Variants in CAMK2B observed in about 807,000 individuals in gnomAD.
CAMK2B encodes the protein calcium/calmodulin dependent protein kinase II beta, also known as calcium/calmodulin-dependent protein kinase type II subunit beta.
CAMK2B carries 27 observed loss-of-function variants against 93.7 expected under a neutral mutation model. The observed-to-expected ratio is 0.29, with a 90% CI of 0.21 to 0.40. The LOEUF (loss-of-function observed/expected upper bound fraction) is 0.40. CAMK2B is among the 10% of genes least tolerant of loss of function. The pLI is 1.00. For synonymous variants in CAMK2B, 374 were observed against 358.8 expected, an observed-to-expected ratio of 1.04 and a Z score of -0.48; for missense variants, 568 against 895.8, an observed-to-expected ratio of 0.63 and a Z score of 4.67.
At position 44,241,729 on chromosome 7, in the gene CAMK2B, T is replaced by C; in HGVS notation, c.874A>G (p.Lys292Glu). Reference protein sequence around the residue: ...MHRQETVECLKKFNARRKLKG... With the variant: ...MHRQETVECLEKFNARRKLKG... ...AGCTTTCTCCTGGCATTGAACTTTT[T>C]CAGACACTCCACAGTCTCCTGTCTG... The change falls in exon 11 of 24, where the codon AAA (lysine) becomes GAA (glutamate). Residue 292 changes from lysine (K) to glutamate (E), a missense_variant. Transcript: ENST00000395749. 1 of 1,613,890 alleles carries C rather than the reference T, an allele frequency of 6.2e-7. No homozygotes were observed. The highest frequency in any genetic ancestry group is 8.5e-7 in the Non-Finnish European group (1 of 1,179,856).
intron 16 of CAMK2B, among the ~76,000 whole-genome samples, 192 bp downstream of exon 16, chr7:44,232,630 C>T (rs942772542): frequency 5.3e-5 from 8 of 152,212 alleles, no homozygotes; most frequent in African/African-American, 1.2e-4. Flanking sequence ...TCCAGGGGCG[C>T]GCCTGGGGCC....
At chr7:44,229,361 C>T in intron 18 of CAMK2B, 27 bp downstream of exon 18, 2 of 1,462,178 alleles carry the variant, frequency 1.4e-6, no homozygotes, top group East Asian at 2.6e-5. Context: ...ACATGACCCC[C>T]ACAGCAGCAG....
Position 44,287,190 on chromosome 7 carries a change from C to T in CAMK2B, c.66-2965G>A, listed in dbSNP as rs551850643. Among the ~76,000 whole-genome samples, 3 of 152,276 alleles carry T rather than the reference C, an allele frequency of 2.0e-5. No individual in the cohort carries two copies. In the South Asian group the frequency reaches 6.2e-4, roughly 32 times the overall value. ...CCCCGCTCCTGGGCTCTGCCTCTCC[C>T]ACGCCTTCTGTCCCTCACTGAAGCC... On this transcript the variant is annotated intron_variant, in intron 1 of 23. Transcript: ENST00000395749.
chr7:44,228,387 G>A (rs866890038), intron 19 of CAMK2B, among the ~76,000 whole-genome samples: 1 of 152,140 alleles, frequency 6.6e-6, no homozygotes, highest in Non-Finnish European at 1.5e-5. Context: ...GTGGCCCTGA[G>A]TGCAGCTCCT....
chr7:44,250,527 CTTT>C (rs36056008), intron 5 of CAMK2B, among the ~76,000 whole-genome samples: 8 of 117,792 alleles, frequency 6.8e-5, no homozygotes, highest in African/African-American at 2.2e-4. Context: ...AGTGACATTG[CTTT>C]TTTTTTTTTT....
At chr7:44,274,609 G>A (rs1346279576) in intron 2 of CAMK2B, among the ~76,000 whole-genome samples, 1 of 152,220 alleles carries the variant, frequency 6.6e-6, no homozygotes, top group Non-Finnish European at 1.5e-5. Flanking sequence ...CAGTCCTTAA[G>A]TGGAATCTTC....
intron 13 of CAMK2B, among the ~76,000 whole-genome samples, chr7:44,237,582 G>A (rs191798300): frequency 7.4e-4 from 112 of 152,342 alleles, no homozygotes; most frequent in African/African-American, 2.5e-3. Flanking sequence ...CATGGCTCCC[G>A]GCCAACCATT....
chr7:44,245,311 C>T (rs1461131449), intron 6 of CAMK2B, among the ~76,000 whole-genome samples: 2 of 152,152 alleles, frequency 1.3e-5, no homozygotes, highest in Non-Finnish European at 2.9e-5. Flanking sequence ...TACCACCCTC[C>T]CCAGTGGGGT....
rs1394172840 is a variant in CAMK2B, at chr7:44,239,624, G to A, written c.986C>T (p.Ala329Val). Reference protein sequence around the residue: ...QTTAPATMSTAASGTTMGLVE... With the variant: ...QTTAPATMSTVASGTTMGLVE... ...CAGCCCCATGGTGGTGCCGGAGGCCGCGGTGGACATTGTGGCCGGAGCGGT... is the reference window on the plus strand; with the variant it reads ...CAGCCCCATGGTGGTGCCGGAGGCCACGGTGGACATTGTGGCCGGAGCGGT... Residue 329 changes from alanine (A) to valine (V), a missense_variant, in exon 13 of 24, where the codon GCG becomes GTG. Physicochemically the swap from Ala to Val is moderately conservative, Grantham distance 64 (BLOSUM62 0). Coordinates refer to ENST00000395749, the MANE Select transcript of CAMK2B (RefSeq NM_001220.5). 7 of 1,550,398 alleles carry A rather than the reference G, an allele frequency of 4.5e-6. No individual in the cohort carries two copies. Among genetic ancestry groups the A allele is most frequent in the Non-Finnish European group, 5.2e-6 (6 of 1,146,874 alleles).
In CAMK2B at chr7:44,248,146, G is replaced by A. The variant is rs2096748688; in HGVS notation, c.342-954C>T. On this transcript the variant is annotated intron_variant, in intron 5 of 23. Coordinates refer to ENST00000395749, the MANE Select transcript of CAMK2B (RefSeq NM_001220.5). The surrounding 1 kb of genome is among the most constrained non-coding windows in gnomAD (Gnocchi z 4.1). ...CTAGTTCAGCTCCCAGGGATCTGAG[G>A]GGCTGGGCAGGGGGCTGTGTGTGCA... Among the ~76,000 whole-genome samples, 1 of 152,222 alleles carries A rather than the reference G, an allele frequency of 6.6e-6. No individual in the cohort carries two copies. The highest frequency in any genetic ancestry group is 1.5e-5 in the Non-Finnish European group (1 of 68,038).
intron 11 of CAMK2B, 108 bp downstream of exon 11, chr7:44,241,592 G>A (rs956447063): frequency 2.5e-6 from 2 of 795,824 alleles, no homozygotes; most frequent in East Asian, 2.5e-5. Context: ...AGTCTTGGGG[G>A]CAGCAGTAAC....
Position 44,226,562 on chromosome 7 carries a change from G to A in CAMK2B, c.1551C>T (p.Pro517=), listed in dbSNP as rs879804401. The stretch of plus-strand genomic sequence containing the variant: ...GGATAGTCGGAGATGGGCAGGGCGG[G>A]GGCCCCACTGGCGAGGGGCCCTCGG... ...PEAEGPSPVG[P]PPCPSPTIPG... Residue 517 remains proline (P), a synonymous_variant, in exon 20 of 24, where the codon CCC becomes CCT. Transcript: ENST00000395749. 1 of 1,465,828 alleles carries A rather than the reference G, an allele frequency of 6.8e-7. No individual in the cohort carries two copies. Among genetic ancestry groups the A allele is most frequent in the African/African-American group, 1.5e-5 (1 of 67,750 alleles). 90.8% of individuals were successfully genotyped at this position (1,465,828 alleles called of 1,614,324 possible).
intron 2 of CAMK2B, among the ~76,000 whole-genome samples, chr7:44,269,794 G>A (rs1055970016): frequency 2.0e-5 from 3 of 152,134 alleles, no homozygotes; most frequent in Non-Finnish European, 4.4e-5. Flanking sequence ...CCCAGAGACC[G>A]AGAGGAGGCC....
At chr7:44,251,779 G>C (rs2096782975) in intron 5 of CAMK2B, among the ~76,000 whole-genome samples, 1 of 152,360 alleles carries the variant, frequency 6.6e-6, no homozygotes, top group East Asian at 1.9e-4. Context: ...GGAGTCCTGT[G>C]AGAGGAGATG....
At chr7:44,324,789 CCAGAACCCAGATT>C (rs1172451715) in intron 1 of CAMK2B, among the ~76,000 whole-genome samples, 1 of 152,118 alleles carries the variant, frequency 6.6e-6, no homozygotes, top group Non-Finnish European at 1.5e-5. Flanking sequence ...GGAAAATCCT[CCAGAACCCAGATT>C]CCCCAGGGGA....
chr7:44,229,773 CAG>C (rs994318488), intron 17 of CAMK2B: 3 of 360,240 alleles, frequency 8.3e-6, no homozygotes, highest in East Asian at 4.4e-5. Context: ...CAGGCTGGCG[CAG>C]AGTCAGAGGC....
Position 44,224,626 on chromosome 7 carries a change from C to T in CAMK2B, c.1597+1890G>A, listed in dbSNP as rs996414040. Among the ~76,000 whole-genome samples, 1 of 152,160 alleles carries T rather than the reference C, an allele frequency of 6.6e-6. No individual in the cohort carries two copies. The highest frequency in any genetic ancestry group is 1.5e-5 in the Non-Finnish European group (1 of 68,014). ...CGTCCAGGTGGGGTCAGAGCAGGTT[C>T]TCATCCTGGCCTGGACTCCTGGGAC... On this transcript the variant is annotated intron_variant, in intron 20 of 23. Coordinates refer to ENST00000395749, the MANE Select transcript of CAMK2B (RefSeq NM_001220.5). This position sits in a 1 kb window ranked among gnomAD's most constrained non-coding sequence, Gnocchi z 4.4.
At chr7:44,235,697 C>T (rs752512486) in intron 13 of CAMK2B, among the ~76,000 whole-genome samples, 8 of 152,164 alleles carry the variant, frequency 5.3e-5, no homozygotes, top group Non-Finnish European at 1.0e-4. Flanking sequence ...CAGGGCCATG[C>T]GGCCAGCCGG....
At chr7:44,235,524 G>A (rs1037025942) in intron 13 of CAMK2B, among the ~76,000 whole-genome samples, 4 of 152,264 alleles carry the variant, frequency 2.6e-5, no homozygotes, top group Admixed American at 2.6e-4. Flanking sequence ...ACCAAAAGAG[G>A]AAGTCAGCTT....
Sources: gnomAD v4.1 joint callset for allele counts (sites outside exome capture counted in the v4.1 genomes callset) on GRCh38, gnomAD v4.1.1 for gene constraint, Gnocchi (gnomAD v3.1) non-coding constraint, MANE v1.5 for transcripts, NCBI Gene and HGNC (gene_info 2026-07-23, HGNC 2026-07-21) for gene names.